SOCS6: variants seen among roughly 807,000 people sequenced by gnomAD.
The protein encoded by SOCS6 is suppressor of cytokine signaling 6, also known as STAT induced STAT inhibitor-4.
SOCS6 carries 5 observed loss-of-function variants against 27.7 expected under a neutral mutation model. The ratio of observed to expected loss-of-function variants is 0.18; its 90% CI spans 0.09 to 0.38. The LOEUF (loss-of-function observed/expected upper bound fraction) is 0.38. Ranked by LOEUF, SOCS6 falls within the 10% of genes least tolerant of loss-of-function variation. SOCS6 has a pLI of 1.00. For missense variants in SOCS6, 595 were observed against 688.1 expected (o/e 0.86, Z 1.51); for synonymous variants, 271 against 260.0 (o/e 1.04, Z -0.41).
chr18:70,303,924 G>A (rs779795085), intron 1 of SOCS6, among the ~76,000 whole-genome samples: 1 of 152,172 alleles, frequency 6.6e-6, no homozygotes, highest in South Asian at 2.1e-4. Flanking sequence ...TGATTCTTGT[G>A]AGGGTTAATA....
At chr18:70,305,219 A>T (rs1381465493) in intron 1 of SOCS6, among the ~76,000 whole-genome samples, 1 of 152,240 alleles carries the variant, frequency 6.6e-6, no homozygotes, top group Non-Finnish European at 1.5e-5. Flanking sequence ...AAAAGAAAAA[A>T]AAAAAAGTTT....
In SOCS6 at chr18:70,328,932, C is replaced by T. The variant is rs1490749428; in HGVS notation, c.*2656C>T. On this transcript the variant is annotated 3_prime_UTR_variant, in exon 2 of 2. Coordinates refer to ENST00000397942, the MANE Select transcript of SOCS6 (RefSeq NM_004232.4). ...TGGCAGTTAACATAGATGACATGGA[C>T]ACAGCCTATGAGTGCTTTTTAAATA... 1.2e-5 allele frequency: 2 copies of T among 166,968 alleles called. No individual in the cohort carries two copies. The highest frequency in any genetic ancestry group is 3.9e-4 in the East Asian group (2 of 5,194). 10.3% of individuals were successfully genotyped at this position (166,968 alleles called of 1,614,324 possible).
At chr18:70,295,058 A>G (rs1371780129) in intron 1 of SOCS6, among the ~76,000 whole-genome samples, 1 of 152,218 alleles carries the variant, frequency 6.6e-6, no homozygotes. Flanking sequence ...GTAAGTCCTA[A>G]TGGTGTCATT....
intron 1 of SOCS6, among the ~76,000 whole-genome samples, chr18:70,312,082 A>G (rs189791500): frequency 2.6e-5 from 4 of 152,350 alleles, no homozygotes; most frequent in Admixed American, 2.6e-4. Flanking sequence ...AAAACATCAC[A>G]TATATTAATG....
chr18:70,311,620 T>C (rs1020161), intron 1 of SOCS6, among the ~76,000 whole-genome samples: 72,343 of 151,976 alleles, frequency 0.48, 18,041 homozygotes, highest in East Asian at 0.76. Flanking sequence ...TTCCTGATCC[T>C]TTTTACTGTT....
chr18:70,318,341 G>T (rs755656008), intron 1 of SOCS6, among the ~76,000 whole-genome samples: 24 of 151,966 alleles, frequency 1.6e-4, no homozygotes, highest in Non-Finnish European at 3.1e-4. Context: ...ATTGCATAAT[G>T]AATTTAAATA....
intron 1 of SOCS6, among the ~76,000 whole-genome samples, chr18:70,296,183 A>G (rs1023365426): frequency 1.3e-5 from 2 of 152,222 alleles, no homozygotes; most frequent in Non-Finnish European, 2.9e-5. Flanking sequence ...GTGATGGGGA[A>G]GATGACTTTT....
rs542396741 is a variant in SOCS6 at position 70,306,696 on chromosome 18, A to C, written c.-127+17606A>C. ...CAAAGCATTCAGCCCTTCAGCATTA[A>C]GTATGATGTTAGCTGTAGGTTTTTC... On this transcript the variant is annotated intron_variant, in intron 1 of 1. Transcript: ENST00000397942. 5.5e-4 allele frequency among the ~76,000 whole-genome samples: 84 copies of C among 152,208 alleles called. 1 individual carries two copies. The highest frequency in any genetic ancestry group is 2.0e-3 in the African/African-American group (83 of 41,542).
intron 1 of SOCS6, among the ~76,000 whole-genome samples, chr18:70,292,164 A>AAGT (rs2062302543): frequency 6.6e-6 from 1 of 152,096 alleles, no homozygotes; most frequent in Non-Finnish European, 1.5e-5. Flanking sequence ...TACTTAGATA[A>AAGT]AGTCACGTAA....
chr18:70,323,059 A>G (rs1338891173), intron 1 of SOCS6, among the ~76,000 whole-genome samples: 1 of 152,258 alleles, frequency 6.6e-6, no homozygotes, highest in Non-Finnish European at 1.5e-5. Flanking sequence ...GACTCAGCAG[A>G]GGCCGAGTAG....
At chr18:70,289,423 G>C (rs1396415269) in intron 1 of SOCS6, among the ~76,000 whole-genome samples, 2 of 147,502 alleles carry the variant, frequency 1.4e-5, no homozygotes, top group African/African-American at 2.4e-5. Context: ...GGCCGCGGAC[G>C]GCTCTTCTCG....
At chr18:70,306,822 A>G (rs1230984345) in intron 1 of SOCS6, among the ~76,000 whole-genome samples, 1 of 152,212 alleles carries the variant, frequency 6.6e-6, no homozygotes, top group Non-Finnish European at 1.5e-5. Context: ...AACTATTAAG[A>G]TGATCATGTG....
At chr18:70,305,579 T>C (rs976780877) in intron 1 of SOCS6, among the ~76,000 whole-genome samples, 2 of 152,224 alleles carry the variant, frequency 1.3e-5, no homozygotes, top group Non-Finnish European at 2.9e-5. Context: ...GAATATTGTA[T>C]CAATTAATAT....
intron 1 of SOCS6, among the ~76,000 whole-genome samples, chr18:70,304,188 T>C (rs1254177059): frequency 1.3e-5 from 2 of 151,946 alleles, no homozygotes; most frequent in Non-Finnish European, 2.9e-5. Context: ...GATCCTCAGG[T>C]ACTAGAAAAA....
At chr18:70,305,661 TTAA>T (rs1315023035) in intron 1 of SOCS6, among the ~76,000 whole-genome samples, 3 of 152,244 alleles carry the variant, frequency 2.0e-5, no homozygotes, top group African/African-American at 7.2e-5. Context: ...AATTGCCATA[TTAA>T]TAATATTGAA....
intron 1 of SOCS6, among the ~76,000 whole-genome samples, chr18:70,301,068 T>C (rs905323243): frequency 2.6e-5 from 4 of 152,188 alleles, no homozygotes; most frequent in African/African-American, 9.7e-5. Context: ...AAGTGTGAAA[T>C]GTCTGAGATT....
intron 1 of SOCS6, among the ~76,000 whole-genome samples, chr18:70,305,771 A>C (rs1475551741): frequency 6.6e-6 from 1 of 152,134 alleles, no homozygotes; most frequent in Non-Finnish European, 1.5e-5. Flanking sequence ...CTTGTACTAC[A>C]TGTGTTAAAT....
intron 1 of SOCS6, chr18:70,314,091 A>G (rs1214035593): frequency 6.6e-6 from 1 of 152,100 alleles, no homozygotes; most frequent in East Asian, 1.9e-4. Context: ...TCTTAAAATT[A>G]TAGAATCCAC....
chr18:70,293,257 C>T (rs948405946), intron 1 of SOCS6, among the ~76,000 whole-genome samples: 4 of 152,128 alleles, frequency 2.6e-5, no homozygotes, highest in African/African-American at 9.7e-5. Context: ...TGTCGTTTGT[C>T]CTTTTCTGAG....
Sources: allele counts gnomAD v4.1 joint callset (sites outside exome capture counted in the v4.1 genomes callset), GRCh38; gene constraint gnomAD v4.1.1; transcripts MANE v1.5; gene names NCBI Gene and HGNC (gene_info 2026-07-23, HGNC 2026-07-21).